The following MPHOSPH9 variants were observed in gnomAD, a reference collection of about 807,000 sequenced individuals.
MPHOSPH9 encodes M-phase phosphoprotein 9.
In MPHOSPH9, 88 loss-of-function variants were observed where a neutral mutation model predicts 145.5. The observed-to-expected ratio is 0.60, with a 90% confidence interval of 0.51 to 0.72. MPHOSPH9 has a LOEUF of 0.72. Among genes scored for constraint, MPHOSPH9 ranks in the 30% least tolerant of loss-of-function variants. The pLI is 0.00. For missense variants in MPHOSPH9, 1,238 were observed against 1,386.6 expected (o/e 0.89, Z 1.70); for synonymous variants, 435 against 486.2 (o/e 0.89, Z 1.39).
chr12:123,224,683 C>T (rs2695475), intron 3 of MPHOSPH9, among the ~76,000 whole-genome samples: 4 of 152,148 alleles, frequency 2.6e-5, no homozygotes, highest in Non-Finnish European at 4.4e-5. Flanking sequence ...TCCAGGCATG[C>T]GGATCATAGG....
In MPHOSPH9 at chr12:123,218,399, T is replaced by G. The variant is rs752767756; in HGVS notation, c.973A>C (p.Ser325Arg). ...GSRSKQGNEQ[S>R]KKTPIEKSDF... ...ACTTTCTCAATTGGTGTCTTCTTAC[T>G]TTGCTCATTTCCTTGTTTAGATCTT... Residue 325 changes from serine (S) to arginine (R), a missense_variant, in exon 6 of 24, where the codon AGT (serine) becomes CGT (arginine). This residue lies in a region of MPHOSPH9 where 837 missense variants were observed against 897.5 expected (regional missense o/e 0.93). Transcript: ENST00000606320. 6.2e-7 allele frequency: 1 copy of G among 1,614,168 alleles called. No individual in the cohort carries two copies. The highest frequency in any genetic ancestry group is 1.7e-5 in the Admixed American group (1 of 60,024).
chr12:123,226,113 T>G (rs2047425497), intron 3 of MPHOSPH9, among the ~76,000 whole-genome samples: 1 of 152,236 alleles, frequency 6.6e-6, no homozygotes, highest in South Asian at 2.1e-4. Context: ...TAATAAAACA[T>G]TCCATTTTTA....
chr12:123,232,417 C>T (rs1328068285), intron 1 of MPHOSPH9, among the ~76,000 whole-genome samples: 2 of 152,064 alleles, frequency 1.3e-5, no homozygotes, highest in African/African-American at 2.4e-5. Context: ...AATATAAGAG[C>T]AGAGCTTTTA....
intron 16 of MPHOSPH9, among the ~76,000 whole-genome samples, chr12:123,172,563 C>T (rs2044630332): frequency 6.6e-6 from 1 of 152,202 alleles, no homozygotes; most frequent in African/African-American, 2.4e-5. Context: ...GAACTCCTGA[C>T]CTCAGGTGAT....
chr12:123,173,116 T>C (rs1593092354), intron 16 of MPHOSPH9, among the ~76,000 whole-genome samples: 1 of 151,982 alleles, frequency 6.6e-6, no homozygotes, highest in South Asian at 2.1e-4. Context: ...CCTCAAGTGA[T>C]CCACCTGCCT....
chr12:123,240,021 G>A (rs1319455356), intron 1 of MPHOSPH9, among the ~76,000 whole-genome samples: 3 of 152,044 alleles, frequency 2.0e-5, no homozygotes, highest in African/African-American at 4.8e-5. Context: ...TTGCCATGGG[G>A]TGTGGGGCCT....
At chr12:123,177,047 G>T (rs980875076) in intron 15 of MPHOSPH9, among the ~76,000 whole-genome samples, 19 of 151,974 alleles carry the variant, frequency 1.3e-4, no homozygotes, top group Admixed American at 9.9e-4. Flanking sequence ...AAAATTAGCT[G>T]GGCATGGCGG....
rs1593125291 is a variant in MPHOSPH9 at position 123,184,436 on chromosome 12, A to C, written c.2242-3226T>G. Among the ~76,000 whole-genome samples the C allele has an allele frequency of 2.0e-5, 3 of 152,178 alleles. 1 individual carries two copies. The East Asian group carries it at 5.8e-4, about 29-fold the overall frequency. On this transcript the variant is annotated intron_variant, in intron 13 of 23. Coordinates refer to ENST00000606320, the MANE Select transcript of MPHOSPH9 (RefSeq NM_022782.4). ...CTGAAAATGAAGGCTACCAGGAACT[A>C]AGTCCCATCCATACACTTAAGAGTC...
At chr12:123,153,823 A>T (rs2043814304), downstream of MPHOSPH9, among the ~76,000 whole-genome samples, 1 of 151,932 alleles carries the variant, frequency 6.6e-6, no homozygotes, top group South Asian at 2.1e-4. Flanking sequence ...AACTCAATGA[A>T]TCTGAAATAT....
At chr12:123,189,121 C>T (rs1314199497) in intron 13 of MPHOSPH9, among the ~76,000 whole-genome samples, 1 of 152,178 alleles carries the variant, frequency 6.6e-6, no homozygotes, top group Admixed American at 6.5e-5. Context: ...TGTTGGGATG[C>T]TCTTTCAGGA....
Position 123,221,565 on chromosome 12 carries a change from C to T in MPHOSPH9, c.679G>A (p.Gly227Arg). ...EFMEHIDVPK[G>R]QYVAPAVPAE... is the part of the protein sequence containing the mutation. ...GGCACCGCAGGTGCTACATACTGTC[C>T]TTTGGGAACATCTATGTGCTCCATG... Residue 227 changes from glycine to arginine, a missense_variant, in exon 5 of 24, where the codon GGA (glycine) becomes AGA (arginine). Coordinates refer to ENST00000606320, the MANE Select transcript of MPHOSPH9 (RefSeq NM_022782.4). 1 of 1,614,158 alleles carries T rather than the reference C, an allele frequency of 6.2e-7. No individual in the cohort carries two copies. Among genetic ancestry groups the T allele is most frequent in the Non-Finnish European group, 8.5e-7 (1 of 1,180,028 alleles).
chr12:123,193,199 T>C (rs960364382), intron 13 of MPHOSPH9, among the ~76,000 whole-genome samples: 1 of 141,408 alleles, frequency 7.1e-6, no homozygotes, highest in African/African-American at 2.7e-5. Flanking sequence ...CAGCAAATGG[T>C]GTAAGAAAGC....
intron 2 of MPHOSPH9, among the ~76,000 whole-genome samples, chr12:123,229,586 A>G (rs1593253665): frequency 6.6e-6 from 1 of 152,252 alleles, no homozygotes; most frequent in Non-Finnish European, 1.5e-5. Flanking sequence ...TTTCTGCAAC[A>G]TAAAACATCA....
chr12:123,195,604 A>G (rs1406011743), intron 12 of MPHOSPH9, among the ~76,000 whole-genome samples: 5 of 151,980 alleles, frequency 3.3e-5, no homozygotes, highest in Non-Finnish European at 7.4e-5. Context: ...AAAAGAAAAT[A>G]CAGGAAATTA....
At chr12:123,205,882 A>C (rs1294286145) in intron 8 of MPHOSPH9, among the ~76,000 whole-genome samples, 2 of 152,144 alleles carry the variant, frequency 1.3e-5, no homozygotes, top group South Asian at 2.1e-4. Flanking sequence ...CATGAGCTCA[A>C]AATTGGCCAA....
chr12:123,210,975 T>TTC (rs1459914481), intron 7 of MPHOSPH9, among the ~76,000 whole-genome samples: 2 of 142,698 alleles, frequency 1.4e-5, no homozygotes, highest in Admixed American at 1.4e-4. Context: ...GGTTTGTTTT[T>TTC]TCTTTTTTTT....
At chr12:123,239,666 T>C (rs2047900671) in intron 1 of MPHOSPH9, among the ~76,000 whole-genome samples, 1 of 152,192 alleles carries the variant, frequency 6.6e-6, no homozygotes, top group Admixed American at 6.5e-5. Flanking sequence ...CCTCCCAAAG[T>C]GCTGGGATTA....
intron 7 of MPHOSPH9, among the ~76,000 whole-genome samples, chr12:123,213,054 T>C (rs145337541): frequency 0.014 from 2,072 of 151,770 alleles, 16 homozygotes; most frequent in Non-Finnish European, 0.022. Context: ...AGAGACGGGG[T>C]TTCACTGTAT....
intron 20 of MPHOSPH9, 77 bp downstream of exon 20, chr12:123,162,937 A>G (rs752212111): frequency 2.9e-6 from 4 of 1,361,514 alleles, no homozygotes; most frequent in African/African-American, 1.5e-5. Flanking sequence ...AATTAGTGAT[A>G]GCTAGAGACA....
Sources: allele counts gnomAD v4.1 joint callset (sites outside exome capture counted in the v4.1 genomes callset), GRCh38; gene constraint gnomAD v4.1.1; regional missense constraint gnomAD v4.1.1; transcripts MANE v1.5; gene names NCBI Gene and HGNC (gene_info 2026-07-23, HGNC 2026-07-21).